The following XKR4 variants were observed in gnomAD, a reference collection of about 807,000 sequenced individuals.
The protein encoded by XKR4 is XK-related protein 4.
XKR4 carries 12 observed loss-of-function variants against 53.9 expected under a neutral mutation model. The ratio of observed to expected loss-of-function variants is 0.22; its 90% confidence interval spans 0.14 to 0.36. The LOEUF is 0.36. XKR4 is among the 10% of genes least tolerant of loss of function. The probability of loss-of-function intolerance (pLI) is 1.00; values close to 1 mark genes in which losing one functional copy is unlikely to be tolerated. For missense variants in XKR4, 799 were observed against 859.5 expected (o/e 0.93, Z 0.88); for synonymous variants, 354 against 362.4 (o/e 0.98, Z 0.26).
At chr8:55,217,623 A>G (rs980998055) in intron 1 of XKR4, among the ~76,000 whole-genome samples, 1 of 152,218 alleles carries the variant, frequency 6.6e-6, no homozygotes, top group African/African-American at 2.4e-5. Context: ...CTATTACTCA[A>G]AAGAAAAAAT....
At chr8:55,108,474 C>G (rs1255330195) in intron 1 of XKR4, among the ~76,000 whole-genome samples, 1 of 152,080 alleles carries the variant, frequency 6.6e-6, no homozygotes, top group East Asian at 1.9e-4. Context: ...CTCTGTCATT[C>G]ATGGAAATCT....
At chr8:55,468,205 C>T (rs1162423265) in intron 2 of XKR4, among the ~76,000 whole-genome samples, 2 of 152,056 alleles carry the variant, frequency 1.3e-5, no homozygotes, top group Non-Finnish European at 2.9e-5. Flanking sequence ...CTAAGGTATC[C>T]AGCCAGAGAG....
intron 1 of XKR4, among the ~76,000 whole-genome samples, chr8:55,126,153 GA>G (rs1335393545): frequency 1.1e-4 from 17 of 151,846 alleles, no homozygotes; most frequent in South Asian, 4.2e-4. Context: ...GAGGAGGAAA[GA>G]AAAAAAAGTT....
intron 1 of XKR4, among the ~76,000 whole-genome samples, chr8:55,344,822 A>G (rs1053267179): frequency 2.6e-5 from 4 of 152,230 alleles, no homozygotes; most frequent in Non-Finnish European, 5.9e-5. Context: ...TAGAGAAAAA[A>G]CTTCTATTAC....
intron 1 of XKR4, among the ~76,000 whole-genome samples, chr8:55,247,102 T>A (rs940525429): frequency 4.6e-5 from 7 of 152,192 alleles, no homozygotes; most frequent in Non-Finnish European, 1.0e-4. Context: ...TTCTTCTTCC[T>A]CATGTTCCAA....
chr8:55,172,334 G>T (rs149653424), intron 1 of XKR4, among the ~76,000 whole-genome samples: 1 of 151,984 alleles, frequency 6.6e-6, no homozygotes, highest in Non-Finnish European at 1.5e-5. Flanking sequence ...TTATTTTTAA[G>T]TAGGTAATAT....
chr8:55,513,954 C>A (rs935894775), intron 2 of XKR4, among the ~76,000 whole-genome samples: 6 of 152,210 alleles, frequency 3.9e-5, no homozygotes, highest in Non-Finnish European at 7.3e-5. Context: ...GGGCCACATC[C>A]AGCCCACCTC....
chr8:55,519,838 C>G (rs1010200324), intron 2 of XKR4, among the ~76,000 whole-genome samples: 1 of 151,954 alleles, frequency 6.6e-6, no homozygotes, highest in African/African-American at 2.4e-5. Context: ...TGCATTTAAT[C>G]GCAAATGGGT....
intron 2 of XKR4, among the ~76,000 whole-genome samples, chr8:55,406,488 A>G (rs1290947848): frequency 1.3e-5 from 2 of 152,184 alleles, no homozygotes; most frequent in Non-Finnish European, 2.9e-5. Context: ...GATCATATAC[A>G]TAAATATATA....
At position 55,236,755 on chromosome 8, in the gene XKR4, C is replaced by T. The variant is rs79017200; in HGVS notation, c.807-120923C>T. Among the ~76,000 whole-genome samples, 702 of 152,266 alleles carry T rather than the reference C, an allele frequency of 4.6e-3. 6 individuals carry two copies. The highest frequency in any genetic ancestry group is 0.016 in the African/African-American group (654 of 41,536). On this transcript the variant is annotated intron_variant, in intron 1 of 2. Transcript: ENST00000327381. Reference sequence around the variant, plus strand: ...TTTCTCTTTGAATGTGTCTTCCCCACATCTCACCTGAAATATTGCTATTTG... The same window carrying T: ...TTTCTCTTTGAATGTGTCTTCCCCATATCTCACCTGAAATATTGCTATTTG...
intron 1 of XKR4, among the ~76,000 whole-genome samples, chr8:55,284,511 T>G (rs1363441951): frequency 2.0e-5 from 3 of 152,194 alleles, no homozygotes; most frequent in Non-Finnish European, 2.9e-5. Context: ...GGTTCCATGC[T>G]GGCTGTTGGC....
chr8:55,103,119 A>G lies in XKR4; in HGVS notation c.631A>G (p.Thr211Ala). The part of the protein sequence containing the change: ...AAGEGEARPS[T>A]PQRQASNASK... ...CGGGGAAGGCGAGGCTCGTCCTTCC[A>G]CGCCGCAAAGGCAAGCATCTAACGC... is the stretch of plus-strand genomic sequence containing the variant. The change falls in exon 1 of 3, where the codon ACG becomes GCG. Residue 211 changes from threonine to alanine, a missense_variant. Transcript: ENST00000327381. 3.1e-6 allele frequency: 5 copies of G among 1,613,548 alleles called. No homozygotes were observed. Among genetic ancestry groups the G allele is most frequent in the Non-Finnish European group, 3.4e-6 (4 of 1,179,992 alleles).
intron 1 of XKR4, among the ~76,000 whole-genome samples, chr8:55,281,705 G>A (rs1818847011): frequency 6.6e-6 from 1 of 152,174 alleles, no homozygotes; most frequent in Non-Finnish European, 1.5e-5. Context: ...AATGCTTTAA[G>A]TAATTTCTCT....
chr8:55,172,989 A>G (rs1052736961), intron 1 of XKR4, among the ~76,000 whole-genome samples: 1 of 152,198 alleles, frequency 6.6e-6, no homozygotes, highest in African/African-American at 2.4e-5. Context: ...GTAGCAGGGA[A>G]AAATGTCAGT....
intron 1 of XKR4, among the ~76,000 whole-genome samples, chr8:55,122,925 G>A (rs1351575255): frequency 2.0e-5 from 3 of 152,110 alleles, no homozygotes; most frequent in East Asian, 3.9e-4. Flanking sequence ...GGGTGAAGAC[G>A]GAATGGCAGG....
intron 1 of XKR4, among the ~76,000 whole-genome samples, chr8:55,353,840 A>T (rs1803760997): frequency 6.6e-6 from 1 of 152,170 alleles, no homozygotes; most frequent in Middle Eastern, 3.2e-3. Flanking sequence ...GCGGTGGGAG[A>T]AAGAGATCTG....
chr8:55,130,924 C>T (rs183885501), intron 1 of XKR4, among the ~76,000 whole-genome samples: 2 of 152,170 alleles, frequency 1.3e-5, no homozygotes, highest in African/African-American at 2.4e-5. Context: ...CTTTGGGAGG[C>T]CAAGGTGGGC....
Position 55,458,012 on chromosome 8 carries a change from C to T in XKR4, c.1007-65269C>T, listed in dbSNP as rs57276336. On this transcript the variant is annotated intron_variant, in intron 2 of 2. Transcript: ENST00000327381. ...TCTAAATGAAAGGAGATATACCATG[C>T]TCACTGATTGAAAAACATTATTGTT... 3.5e-4 allele frequency among the ~76,000 whole-genome samples: 54 copies of T among 152,248 alleles called. 2 individuals are homozygous for T. In the East Asian group the frequency reaches 8.9e-3, roughly 25 times the overall value.
At chr8:55,508,701 C>T (rs1322658028) in intron 2 of XKR4, among the ~76,000 whole-genome samples, 3 of 152,248 alleles carry the variant, frequency 2.0e-5, no homozygotes, top group Non-Finnish European at 4.4e-5. Flanking sequence ...TGAGCATTCC[C>T]AGGGGCTAGT....
Sources: allele counts gnomAD v4.1 joint callset (sites outside exome capture counted in the v4.1 genomes callset), GRCh38; gene constraint gnomAD v4.1.1; transcripts MANE v1.5; gene names NCBI Gene and HGNC (gene_info 2026-07-23, HGNC 2026-07-21).